ABCA13: variants seen among roughly 807,000 people sequenced by gnomAD.
ABCA13 encodes ATP-binding cassette sub-family A member 13.
In ABCA13, 476 loss-of-function variants were observed where a neutral mutation model predicts 478.7. The observed-to-expected ratio is 0.99, with a 90% CI of 0.92 to 1.07. The LOEUF (loss-of-function observed/expected upper bound fraction) is 1.07. Ranked by LOEUF, ABCA13 falls within the 50% of genes least tolerant of loss-of-function variation. The pLI is 0.00. For missense variants in ABCA13, 6,060 were observed against 5,910.6 expected (o/e 1.03, Z -0.83); for synonymous variants, 2,252 against 2,158.9 (o/e 1.04, Z -1.20).
At chr7:48,399,405 G>A (rs1817287581) in intron 38 of ABCA13, among the ~76,000 whole-genome samples, 2 of 152,122 alleles carry the variant, frequency 1.3e-5, no homozygotes, top group Admixed American at 1.3e-4. Context: ...AGCACAGCAG[G>A]CTCACTTACA....
intron 27 of ABCA13, among the ~76,000 whole-genome samples, chr7:48,327,945 C>G (rs1804582849): frequency 1.3e-5 from 2 of 152,146 alleles, no homozygotes; most frequent in African/African-American, 4.8e-5. Context: ...GCTTGGCCAT[C>G]AACACAGAAT....
Position 48,279,209 on chromosome 7 carries a change from AC to A in ABCA13, c.8016del (p.Leu2673TyrfsTer9), listed in dbSNP as rs1796699448. 6.3e-7 allele frequency: 1 copy of A among 1,594,830 alleles called. No individual in the cohort carries two copies. The highest frequency in any genetic ancestry group is 1.3e-5 in the African/African-American group (1 of 74,760). On this transcript the variant is annotated frameshift_variant, in exon 18 of 62. Coordinates refer to ENST00000435803, the MANE Select transcript of ABCA13 (RefSeq NM_152701.5). LOFTEE classifies it high-confidence loss of function. ...CAAACATTTTCTATGGATTCTGTCA[AC>A]TTACGGGAAGAAATTCTGGGTTGCT... Reference protein sequence around the residue: ...ETQTFSMDSVNLREEILGCLV... With the variant: ...ETQTFSMDSVXLREEILGCLV...
In ABCA13 at chr7:48,389,150, A is replaced by G; in HGVS notation, c.11584A>G (p.Ser3862Gly). The change falls in exon 37 of 62, where the codon AGC (serine) becomes GGC (glycine). Residue 3862 changes from serine (S) to glycine (G), a missense_variant. Physicochemically the swap from Ser to Gly is moderately conservative, Grantham distance 56 (BLOSUM62 0). Around this residue, in one of 3 missense-constraint regions of ABCA13, gnomAD observed 1,627 missense variants for 1,571.0 expected, o/e 1.04. Transcript: ENST00000435803. ...EGHKAVVQDL[S>G]LTFYRDQITA... ...CCACAAGGCTGTGGTCCAAGACCTCAGCCTGACCTTCTACAGAGACCAAAT... is the reference window on the plus strand; with the variant it reads ...CCACAAGGCTGTGGTCCAAGACCTCGGCCTGACCTTCTACAGAGACCAAAT... 6.2e-7 allele frequency: 1 copy of G among 1,614,006 alleles called. No homozygotes were observed. Among genetic ancestry groups the G allele is most frequent in the Non-Finnish European group, 8.5e-7 (1 of 1,179,870 alleles).
chr7:48,297,315 A>G lies in ABCA13; in HGVS notation c.9199+4A>G. 1 of 1,602,702 alleles carries G rather than the reference A, an allele frequency of 6.2e-7. No individual in the cohort carries two copies. ...AGCAATTTCACAGTAACTGAGGGTA[A>G]GTATGTGGTTTTCCAAGTTTGCTTG... On this transcript the variant is annotated splice_donor_region_variant and intron_variant, in intron 22 of 61. Transcript: ENST00000435803.
rs1788802023 is a variant in ABCA13 at position 48,229,939 on chromosome 7, T to C, written c.747T>C (p.His249=). ...CGACACTGACATTTCTGCAGCAACA[T>C]GGAGTAGCAGTCACCGGTATGGGTG... The part of the protein sequence containing the change: ...TISTLTFLQQ[H]GVAVTEPVYH... The change falls in exon 7 of 62, where the codon CAT becomes CAC. Residue 249 remains histidine (H), a synonymous_variant. Transcript: ENST00000435803. The C allele has an allele frequency of 6.2e-7, 1 of 1,613,866 alleles. No individual in the cohort carries two copies. The highest frequency in any genetic ancestry group is 1.3e-5 in the African/African-American group (1 of 74,948).
chr7:48,413,126 G>T (rs898974853), intron 41 of ABCA13, among the ~76,000 whole-genome samples: 3 of 151,756 alleles, frequency 2.0e-5, no homozygotes, highest in African/African-American at 7.3e-5. Flanking sequence ...TAGCATTCTT[G>T]TATTTGAGAA....
At chr7:48,555,563 T>C (rs1785732150) in intron 55 of ABCA13, among the ~76,000 whole-genome samples, 2 of 151,954 alleles carry the variant, frequency 1.3e-5, no homozygotes, top group South Asian at 4.1e-4. Flanking sequence ...TGGTAGGTTG[T>C]ATGTGTCTAG....
intron 56 of ABCA13, among the ~76,000 whole-genome samples, chr7:48,584,551 C>A (rs903367279): frequency 6.6e-6 from 1 of 152,046 alleles, no homozygotes; most frequent in Non-Finnish European, 1.5e-5. Context: ...TATATGTGGG[C>A]GTGTGAGTGT....
At chr7:48,308,659 C>T (rs1801273652) in intron 23 of ABCA13, among the ~76,000 whole-genome samples, 1 of 151,940 alleles carries the variant, frequency 6.6e-6, no homozygotes, top group Admixed American at 6.6e-5. Flanking sequence ...GGACTACCAC[C>T]GTATATGTGG....
chr7:48,531,322 G>A (rs1833216264), intron 55 of ABCA13, among the ~76,000 whole-genome samples: 2 of 151,832 alleles, frequency 1.3e-5, no homozygotes, highest in Admixed American at 6.6e-5. Context: ...TTTATTTCTG[G>A]GTTATTGATT....
chr7:48,527,552 G>C (rs2131026737), intron 54 of ABCA13, among the ~76,000 whole-genome samples: 1 of 152,288 alleles, frequency 6.6e-6, no homozygotes, highest in East Asian at 1.9e-4. Context: ...ACAAAGTGTA[G>C]AAAAGACAGC....
intron 53 of ABCA13, among the ~76,000 whole-genome samples, chr7:48,520,998 G>A (rs1832506513): frequency 6.6e-6 from 1 of 152,134 alleles, no homozygotes; most frequent in Admixed American, 6.5e-5. Flanking sequence ...GTCAGGTGAG[G>A]TCGAAAGTCA....
Position 48,313,203 on chromosome 7 carries a change from C to T in ABCA13, c.9653C>T (p.Ala3218Val). The T allele has an allele frequency of 6.2e-7, 1 of 1,612,032 alleles. No individual in the cohort carries two copies. The highest frequency in any genetic ancestry group is 8.5e-7 in the Non-Finnish European group (1 of 1,178,926). Residue 3218 changes from alanine (A) to valine (V), a missense_variant, in exon 25 of 62, where the codon GCC (alanine) becomes GTC (valine). Ala to Val is a moderately conservative substitution (Grantham distance 64, BLOSUM62 0). Around this residue, in one of 3 missense-constraint regions of ABCA13, gnomAD observed 4,423 missense variants for 4,309.1 expected, o/e 1.03. Transcript: ENST00000435803. ...TTTCTTCACACATTTAAAATCACTG[C>T]CTTGCTAGAAACCCTGGACTTTCAA... ...PEFLHTFKIT[A>V]LLETLDFQQV...
chr7:48,341,902 G>GATATATATATACTC (rs549169856), intron 29 of ABCA13, among the ~76,000 whole-genome samples: 7 of 70,160 alleles, frequency 1.0e-4, no homozygotes, highest in East Asian at 4.9e-4. Flanking sequence ...ATATCTTTCT[G>GATATATATATACTC]ATATATATAT....
chr7:48,434,089 G>A (rs1023684192), intron 42 of ABCA13, among the ~76,000 whole-genome samples: 20 of 151,772 alleles, frequency 1.3e-4, no homozygotes, highest in African/African-American at 4.6e-4. Flanking sequence ...AGAAATTGCT[G>A]TATCATTTTC....
intron 20 of ABCA13, among the ~76,000 whole-genome samples, chr7:48,294,667 C>T (rs1445144490): frequency 6.6e-6 from 1 of 151,378 alleles, no homozygotes; most frequent in Non-Finnish European, 1.5e-5. Context: ...AGGATGGTCT[C>T]GATCTCCTGA....
chr7:48,191,773 T>C (rs928700820), intron 1 of ABCA13, among the ~76,000 whole-genome samples: 8 of 152,216 alleles, frequency 5.3e-5, no homozygotes, highest in Admixed American at 3.9e-4. Context: ...ACACCTGTGT[T>C]TTGTCTTCAT....
At chr7:48,481,908 T>G (rs1354685122) in intron 46 of ABCA13, among the ~76,000 whole-genome samples, 1 of 152,152 alleles carries the variant, frequency 6.6e-6, no homozygotes, top group African/African-American at 2.4e-5. Flanking sequence ...GTTGAGCCAG[T>G]TGGGAATGTG....
chr7:48,511,496 C>T (rs1411536875), intron 51 of ABCA13, among the ~76,000 whole-genome samples: 1 of 152,154 alleles, frequency 6.6e-6, no homozygotes, highest in African/African-American at 2.4e-5. Flanking sequence ...CTCACTTTGA[C>T]ATTAATCAGG....
Sources: gnomAD v4.1 joint callset for allele counts (sites outside exome capture counted in the v4.1 genomes callset) on GRCh38, gnomAD v4.1.1 for gene constraint, gnomAD v4.1.1 regional missense constraint, MANE v1.5 for transcripts, NCBI Gene and HGNC (gene_info 2026-07-23, HGNC 2026-07-21) for gene names.